Variants in ABTB3 observed in about 807,000 individuals in gnomAD.
The protein encoded by ABTB3 is ankyrin repeat and BTB domain containing 3, also known as ankyrin repeat- and BTB/POZ domain-containing protein 3.
the ABTB3 span, among the ~76,000 whole-genome samples, chr12:107,519,248 C>G: frequency 6.6e-6 from 1 of 152,190 alleles, no homozygotes; most frequent in East Asian, 1.9e-4. Flanking sequence ...GCATGTTTTT[C>G]TTTTCTTTTT....
chr12:107,385,051 T>A, the ABTB3 span, among the ~76,000 whole-genome samples: 1 of 152,222 alleles, frequency 6.6e-6, no homozygotes, highest in East Asian at 1.9e-4. Flanking sequence ...CACTTCTCCC[T>A]GGACTGGATT....
the ABTB3 span, among the ~76,000 whole-genome samples, chr12:107,654,834 A>G: frequency 2.7e-5 from 4 of 148,578 alleles, no homozygotes; most frequent in South Asian, 2.1e-4. Flanking sequence ...ACACACACAC[A>G]CACACACACA....
the ABTB3 span, among the ~76,000 whole-genome samples, chr12:107,367,142 G>A: frequency 2.6e-5 from 4 of 152,178 alleles, no homozygotes; most frequent in African/African-American, 9.7e-5. Context: ...TTTATTGGAA[G>A]GTGCCTTCCC....
At chr12:107,510,214 A>AC in the ABTB3 span, among the ~76,000 whole-genome samples, 6 of 151,490 alleles carry the variant, frequency 4.0e-5, no homozygotes, top group East Asian at 3.9e-4. Flanking sequence ...TGGTGCCAGG[A>AC]CCCCCCCACC....
At chr12:107,356,345 A>G in the ABTB3 span, among the ~76,000 whole-genome samples, 15 of 152,360 alleles carry the variant, frequency 9.8e-5, no homozygotes, top group Non-Finnish European at 8.8e-5. Context: ...AAGATGAAGA[A>G]TGAATGCACT....
At chr12:107,576,315 C>T in the ABTB3 span, among the ~76,000 whole-genome samples, 4 of 152,184 alleles carry the variant, frequency 2.6e-5, no homozygotes, top group Admixed American at 2.6e-4. Flanking sequence ...TAACAAAATG[C>T]CATGGACTAG....
At chr12:107,389,184 C>A in the ABTB3 span, among the ~76,000 whole-genome samples, 9 of 152,196 alleles carry the variant, frequency 5.9e-5, no homozygotes, top group Non-Finnish European at 1.3e-4. Context: ...TTCACCTCAA[C>A]AAATTTGCAA....
At chr12:107,618,258 G>T in the ABTB3 span, 1 of 1,613,654 alleles carries the variant, frequency 6.2e-7, no homozygotes, top group Non-Finnish European at 8.5e-7. Flanking sequence ...GGCGGAGACA[G>T]CCCCGCCCCC....
the ABTB3 span, among the ~76,000 whole-genome samples, chr12:107,402,323 A>G: frequency 6.6e-6 from 1 of 152,194 alleles, no homozygotes; most frequent in South Asian, 2.1e-4. Flanking sequence ...ATGTGGGCAA[A>G]GGATGGCCCA....
the ABTB3 span, among the ~76,000 whole-genome samples, chr12:107,395,891 G>A: frequency 6.6e-6 from 1 of 152,260 alleles, no homozygotes; most frequent in African/African-American, 2.4e-5. Flanking sequence ...AAGAGGTGGT[G>A]ACCAGAGATA....
the ABTB3 span, among the ~76,000 whole-genome samples, chr12:107,505,061 CA>C: frequency 2.0e-5 from 3 of 152,150 alleles, no homozygotes; most frequent in East Asian, 5.8e-4. Flanking sequence ...GGAAGAGGCA[CA>C]GCTACATTTA....
At chr12:107,508,438 C>CTTTTTTTTTTTTTTTTTTTTTTTT in the ABTB3 span, among the ~76,000 whole-genome samples, 16 of 69,162 alleles carry the variant, frequency 2.3e-4, 5 homozygotes, top group East Asian at 2.6e-3. Context: ...AAGATCATTT[C>CTTTTTTTTTTTTTTTTTTTTTTTT]TTTTTTTTTT....
the ABTB3 span, among the ~76,000 whole-genome samples, chr12:107,528,078 G>T: frequency 6.6e-6 from 1 of 152,174 alleles, no homozygotes; most frequent in Non-Finnish European, 1.5e-5. Flanking sequence ...AGGCAGTGAA[G>T]GTGCTGTATC....
the ABTB3 span, among the ~76,000 whole-genome samples, chr12:107,655,274 T>TATATATATATATAC: frequency 4.9e-4 from 74 of 151,236 alleles, 1 homozygote; most frequent in African/African-American, 1.8e-3. Context: ...TATATATATA[T>TATATATATATATAC]ACACCTACAA....
chr12:107,517,296 T>A, the ABTB3 span, among the ~76,000 whole-genome samples: 1 of 152,234 alleles, frequency 6.6e-6, no homozygotes, highest in African/African-American at 2.4e-5. Context: ...TGAAGTCAGG[T>A]AGCGTGATGC....
At chr12:107,502,916 G>A in the ABTB3 span, among the ~76,000 whole-genome samples, 3 of 152,296 alleles carry the variant, frequency 2.0e-5, no homozygotes, top group East Asian at 5.8e-4. Flanking sequence ...TGCTAAAAAG[G>A]CTGGGGACCG....
At chr12:107,574,210 G>C in the ABTB3 span, among the ~76,000 whole-genome samples, 1 of 152,100 alleles carries the variant, frequency 6.6e-6, no homozygotes, top group Non-Finnish European at 1.5e-5. Flanking sequence ...CTTGGCAAAG[G>C]CTCATGAACC....
chr12:107,635,987 G>T, the ABTB3 span, among the ~76,000 whole-genome samples: 2 of 152,056 alleles, frequency 1.3e-5, no homozygotes, highest in South Asian at 4.2e-4. Context: ...TCTTCTGGGA[G>T]GCGTGCACTG....
chr12:107,573,586 GT>G, the ABTB3 span, among the ~76,000 whole-genome samples: 1 of 152,108 alleles, frequency 6.6e-6, no homozygotes, highest in Non-Finnish European at 1.5e-5. Flanking sequence ...TACTGGTTTT[GT>G]TTCTCTGGAG....
Sources: allele counts gnomAD v4.1 joint callset (sites outside exome capture counted in the v4.1 genomes callset), GRCh38; gene constraint gnomAD v4.1.1; transcripts MANE v1.5; gene names NCBI Gene and HGNC (gene_info 2026-07-23, HGNC 2026-07-21).